The following DGKD variants were observed in gnomAD, a reference collection of about 807,000 sequenced individuals.
DGKD encodes the protein diacylglycerol kinase delta.
DGKD carries 68 observed loss-of-function variants against 154.4 expected under a neutral mutation model. The ratio of observed to expected loss-of-function variants is 0.44; its 90% CI spans 0.36 to 0.54. DGKD has a LOEUF of 0.54. Among genes scored for constraint, DGKD ranks in the 20% least tolerant of loss-of-function variants. The probability of loss-of-function intolerance (pLI) is 0.00; values close to 1 mark genes in which losing one functional copy is unlikely to be tolerated. For synonymous variants in DGKD, 693 were observed against 638.0 expected (o/e 1.09, Z -1.30); for missense variants, 1,343 against 1,593.6 (o/e 0.84, Z 2.68).
At chr2:233,374,418 T>G (rs946801022) in intron 1 of DGKD, among the ~76,000 whole-genome samples, 2 of 152,154 alleles carry the variant, frequency 1.3e-5, no homozygotes, top group African/African-American at 4.8e-5. Context: ...CACTGCAGCC[T>G]TGGACTCTTG....
intron 3 of DGKD, among the ~76,000 whole-genome samples, chr2:233,423,367 C>T (rs886485133): frequency 6.6e-6 from 1 of 152,090 alleles, no homozygotes; most frequent in East Asian, 1.9e-4. Flanking sequence ...GTTTTACATC[C>T]CACCCAACAG....
At chr2:233,429,367 C>G (rs751996613) in intron 3 of DGKD, 41 of 969,534 alleles carry the variant, frequency 4.2e-5, no homozygotes, top group African/African-American at 2.3e-4. Flanking sequence ...TAAAACTCAC[C>G]CAGGGTGAAC....
Position 233,445,583 on chromosome 2 carries a change from C to T in DGKD, c.1195-40C>T, listed in dbSNP as rs1204906215. On this transcript the variant is annotated intron_variant, in intron 10 of 29. Transcript: ENST00000264057. The surrounding 1 kb of genome is among the most constrained non-coding windows in gnomAD (Gnocchi z 5.5). The stretch of plus-strand genomic sequence containing the variant: ...GCGGGCTGGGAAGTGGCCCCTGCCC[C>T]CAGGTGTTTGCCTGCGCATCGTCCC... The T allele has an allele frequency of 1.3e-5, 20 of 1,558,752 alleles. No homozygotes were observed. The highest frequency in any genetic ancestry group is 2.3e-5 in the East Asian group (1 of 43,104).
chr2:233,413,773 G>A (rs574212196), intron 3 of DGKD, among the ~76,000 whole-genome samples: 1 of 152,182 alleles, frequency 6.6e-6, no homozygotes, highest in African/African-American at 2.4e-5. Context: ...GCCCTCCCAC[G>A]GTGGCTCTTC....
chr2:233,459,178 G>C lies in DGKD; in HGVS notation c.2695-579G>C, dbSNP rs560895286. Among the ~76,000 whole-genome samples the C allele has an allele frequency of 2.0e-5, 3 of 152,276 alleles. No individual in the cohort carries two copies. Among genetic ancestry groups the C allele is most frequent in the African/African-American group, 7.2e-5 (3 of 41,560 alleles). On this transcript the variant is annotated intron_variant, in intron 22 of 29. Transcript: ENST00000264057. This position sits in a 1 kb window ranked among gnomAD's most constrained non-coding sequence, Gnocchi z 5.7. ...GAGGGCAGTCTTTCTGTGAGGATGG[G>C]GCAGGACTCTGTACCCAGGCACAGG...
chr2:233,383,915 G>A (rs1358927837), intron 1 of DGKD, among the ~76,000 whole-genome samples: 4 of 152,118 alleles, frequency 2.6e-5, no homozygotes, highest in Non-Finnish European at 4.4e-5. Flanking sequence ...TAAATGTTCC[G>A]GCAGTGGGAA....
At chr2:233,394,406 C>T (rs1703856135) in intron 3 of DGKD, among the ~76,000 whole-genome samples, 2 of 151,714 alleles carry the variant, frequency 1.3e-5, no homozygotes, top group Admixed American at 6.6e-5. Context: ...CCATGCCTGG[C>T]TAATTTTTAC....
chr2:233,394,093 A>C (rs1242925121), intron 3 of DGKD, among the ~76,000 whole-genome samples: 2 of 152,186 alleles, frequency 1.3e-5, no homozygotes, highest in Admixed American at 6.5e-5. Flanking sequence ...AATCTCTTTC[A>C]GGCCAGTTAC....
chr2:233,450,043 G>A lies in DGKD; in HGVS notation c.1950G>A (p.Glu650=), dbSNP rs775811416. The part of the protein sequence containing the change: ...EQEGFVLGLS[E]SEEKMDHRVC... ...AGGGCTTCGTCCTGGGCCTCTCTGA[G>A]TCAGAGGAGAAGATGGACCACAGAG... The change falls in exon 16 of 30, where the codon GAG becomes GAA. Residue 650 remains glutamate (E), a synonymous_variant. Transcript: ENST00000264057. The A allele has an allele frequency of 6.2e-7, 1 of 1,613,882 alleles. No individual in the cohort carries two copies. The highest frequency in any genetic ancestry group is 1.7e-5 in the Admixed American group (1 of 60,004).
rs1200782839 is a variant in DGKD, at chr2:233,459,014, C to A, written c.2694+617C>A. ...TGCCCGTGTCTGCAGCTGTCAAAGCCGCAGTGGGGACGGAGCCCATGGCTC... is the reference window on the plus strand; with the variant it reads ...TGCCCGTGTCTGCAGCTGTCAAAGCAGCAGTGGGGACGGAGCCCATGGCTC... On this transcript the variant is annotated intron_variant, in intron 22 of 29. Coordinates refer to ENST00000264057, the MANE Select transcript of DGKD (RefSeq NM_152879.3). This position sits in a 1 kb window ranked among gnomAD's most constrained non-coding sequence, Gnocchi z 5.7. 6.6e-6 allele frequency among the ~76,000 whole-genome samples: 1 copy of A among 152,220 alleles called. No individual in the cohort carries two copies. The highest frequency in any genetic ancestry group is 2.4e-5 in the African/African-American group (1 of 41,456).
At chr2:233,411,526 T>A (rs1225371888) in intron 3 of DGKD, among the ~76,000 whole-genome samples, 1 of 152,240 alleles carries the variant, frequency 6.6e-6, no homozygotes, top group Non-Finnish European at 1.5e-5. Flanking sequence ...TCCATTTTTT[T>A]AATTGGGTTC....
Position 233,458,288 on chromosome 2 carries a change from T to A in DGKD, c.2585T>A (p.Phe862Tyr). The stretch of plus-strand genomic sequence containing the variant: ...GCTCTAACGTGTCCCTTGCAGACTT[T>A]CGCAGCTCCATCATTCGATGACAAG... ...FWGGTKEDDT[F>Y]AAPSFDDKIL... is the part of the protein sequence containing the mutation. The change falls in exon 22 of 30, where the codon TTC (phenylalanine) becomes TAC (tyrosine). Residue 862 changes from phenylalanine (F) to tyrosine (Y), a missense_variant. By Grantham distance (22) the Phe-to-Tyr change is conservative. This residue lies in a region of DGKD where 429 missense variants were observed against 496.3 expected (regional missense o/e 0.86). Transcript: ENST00000264057. The surrounding 1 kb of genome is among the most constrained non-coding windows in gnomAD (Gnocchi z 6.6). 6.2e-7 allele frequency: 1 copy of A among 1,611,740 alleles called. No homozygotes were observed. Among genetic ancestry groups the A allele is most frequent in the South Asian group, 1.1e-5 (1 of 90,928 alleles).
chr2:233,441,324 C>T lies in DGKD; in HGVS notation c.1086-563C>T, dbSNP rs1018038869. 2.6e-5 allele frequency among the ~76,000 whole-genome samples: 4 copies of T among 152,274 alleles called. No homozygotes were observed. The highest frequency in any genetic ancestry group is 2.1e-4 in the South Asian group (1 of 4,824). ...AGGCATATGTGCTGCAGTGGGGACA[C>T]GCAGCCCGCAGCAGGTCAGGCAGCC... On this transcript the variant is annotated intron_variant, in intron 9 of 29. Coordinates refer to ENST00000264057, the MANE Select transcript of DGKD (RefSeq NM_152879.3). This position sits in a 1 kb window ranked among gnomAD's most constrained non-coding sequence, Gnocchi z 5.6.
chr2:233,380,324 G>C (rs1702820552), intron 1 of DGKD, among the ~76,000 whole-genome samples: 2 of 152,202 alleles, frequency 1.3e-5, no homozygotes, highest in African/African-American at 4.8e-5. Context: ...GATTAGCAGT[G>C]ATGCTGACAG....
rs533717264 is a variant in DGKD, at chr2:233,362,534, C to G, written c.156+7860C>G. Among the ~76,000 whole-genome samples, 7 of 152,190 alleles carry G rather than the reference C, an allele frequency of 4.6e-5. No individual in the cohort carries two copies. In the South Asian group the frequency reaches 1.5e-3, roughly 32 times the overall value. On this transcript the variant is annotated intron_variant, in intron 1 of 29. Coordinates refer to ENST00000264057, the MANE Select transcript of DGKD (RefSeq NM_152879.3). ...GGTGTGGTGGCAGATGCCTGTAATC[C>G]CAGCTACTCGGGAGGCTGAGGCAGG...
At chr2:233,436,224 T>C (rs1271830161) in intron 6 of DGKD, 92 bp from the exon 7 acceptor site, 3 of 1,575,388 alleles carry the variant, frequency 1.9e-6, no homozygotes, top group Middle Eastern at 1.7e-4. Context: ...CTGGGAAGAA[T>C]GCCTTGGCTG....
intron 3 of DGKD, among the ~76,000 whole-genome samples, chr2:233,430,174 A>G (rs1206496418): frequency 6.6e-6 from 1 of 152,246 alleles, no homozygotes; most frequent in African/African-American, 2.4e-5. Context: ...ATTTGGCAAT[A>G]GCTAGCAAAA....
In DGKD at chr2:233,445,799, CTT is replaced by C; in HGVS notation, c.1334+39_1334+40del. The C allele has an allele frequency of 1.3e-6, 2 of 1,556,294 alleles. No individual in the cohort carries two copies. The highest frequency in any genetic ancestry group is 1.7e-6 in the Non-Finnish European group (2 of 1,147,702). ...TGTGCTCCGGTGCCGTATGAGGAGA[CTT>C]TGAGAGACAGGTCCCTTTGACCAGG... On this transcript the variant is annotated intron_variant, in intron 11 of 29. Coordinates refer to ENST00000264057, the MANE Select transcript of DGKD (RefSeq NM_152879.3). The surrounding 1 kb of genome is among the most constrained non-coding windows in gnomAD (Gnocchi z 5.5).
At chr2:233,395,092 T>A (rs895290521) in intron 3 of DGKD, among the ~76,000 whole-genome samples, 3 of 152,238 alleles carry the variant, frequency 2.0e-5, no homozygotes, top group Non-Finnish European at 4.4e-5. Flanking sequence ...CTTCAGCCAT[T>A]TTCTGCTGTC....
Sources: gnomAD v4.1 joint callset for allele counts (sites outside exome capture counted in the v4.1 genomes callset) on GRCh38, gnomAD v4.1.1 for gene constraint, gnomAD v4.1.1 regional missense constraint, Gnocchi (gnomAD v3.1) non-coding constraint, MANE v1.5 for transcripts, NCBI Gene and HGNC (gene_info 2026-07-23, HGNC 2026-07-21) for gene names.